GALNT18: variants seen among roughly 807,000 people sequenced by gnomAD.
GALNT18 encodes polypeptide N-acetylgalactosaminyltransferase 18.
Under a neutral mutation model 69.5 loss-of-function variants are expected in GALNT18, and 44 were observed. The ratio of observed to expected loss-of-function variants is 0.63; its 90% confidence interval spans 0.50 to 0.81. The LOEUF is 0.81. Ranked by LOEUF, GALNT18 falls within the 40% of genes least tolerant of loss-of-function variation. The pLI is 0.00. For missense variants in GALNT18, 715 were observed against 810.0 expected, an observed-to-expected ratio of 0.88 and a Z score of 1.42; for synonymous variants, 364 against 318.2, an observed-to-expected ratio of 1.14 and a Z score of -1.53.
At chr11:11,558,913 C>T (rs10831638) in intron 1 of GALNT18, among the ~76,000 whole-genome samples, 92,018 of 152,092 alleles carry the variant, frequency 0.61, 28,019 homozygotes, top group South Asian at 0.71. Flanking sequence ...ACCTCTAGTC[C>T]AGAGTTTCTC....
Position 11,304,542 on chromosome 11 carries a change from G to A in GALNT18, c.1513-11349C>T, listed in dbSNP as rs72861879. On this transcript the variant is annotated intron_variant, in intron 9 of 10. Coordinates refer to ENST00000227756, the MANE Select transcript of GALNT18 (RefSeq NM_198516.3). ...GAGGGTGCATATCCTATGCACTGAG[G>A]AATACTTCCCCTGACACTCTTCACA... is the stretch of plus-strand genomic sequence containing the variant. 1.4e-3 allele frequency among the ~76,000 whole-genome samples: 217 copies of A among 152,210 alleles called. 1 individual carries two copies. Among genetic ancestry groups the A allele is most frequent in the Admixed American group, 3.3e-3 (51 of 15,298 alleles).
At position 11,603,659 on chromosome 11, in the gene GALNT18, T is replaced by C. The variant is rs1245938139; in HGVS notation, c.235+17700A>G. Reference sequence around the variant, plus strand: ...GTTTCCATTCCATATTTAAAACTCATTTTCTCTCCCTAAAAAGATCTATGG... The same window carrying C: ...GTTTCCATTCCATATTTAAAACTCACTTTCTCTCCCTAAAAAGATCTATGG... On this transcript the variant is annotated intron_variant, in intron 1 of 10. Transcript: ENST00000227756. This position sits in a 1 kb window ranked among gnomAD's most constrained non-coding sequence, Gnocchi z 4.5. Among the ~76,000 whole-genome samples, 2 of 152,164 alleles carry C rather than the reference T, an allele frequency of 1.3e-5. No homozygotes were observed. The highest frequency in any genetic ancestry group is 3.9e-4 in the East Asian group (2 of 5,186).
chr11:11,287,141 C>T (rs1203367780), intron 10 of GALNT18, among the ~76,000 whole-genome samples: 1 of 152,176 alleles, frequency 6.6e-6, no homozygotes, highest in Non-Finnish European at 1.5e-5. Context: ...CCTGCTGGGC[C>T]CTTGCACAAG....
chr11:11,353,045 A>C (rs751405463), intron 6 of GALNT18: 2 of 1,614,030 alleles, frequency 1.2e-6, no homozygotes, highest in African/African-American at 2.7e-5. Flanking sequence ...GTGACTCGTA[A>C]TCCCAGTATT....
chr11:11,509,477 G>A (rs1018232925), intron 1 of GALNT18, among the ~76,000 whole-genome samples: 12 of 152,200 alleles, frequency 7.9e-5, no homozygotes, highest in African/African-American at 2.9e-4. Flanking sequence ...AGCCTTGGGT[G>A]AAAACTCTAA....
chr11:11,276,551 C>G (rs577519021), intron 10 of GALNT18, among the ~76,000 whole-genome samples: 57 of 152,272 alleles, frequency 3.7e-4, no homozygotes, highest in African/African-American at 1.3e-3. Context: ...CTTCCCTGGC[C>G]AGAACTTCCC....
chr11:11,437,528 G>A (rs775871526), intron 2 of GALNT18, among the ~76,000 whole-genome samples: 15 of 152,110 alleles, frequency 9.9e-5, no homozygotes, highest in Non-Finnish European at 1.8e-4. Context: ...TTTACAACAA[G>A]GGCTTCAGTG....
At chr11:11,547,283 A>G (rs1413122748) in intron 1 of GALNT18, among the ~76,000 whole-genome samples, 2 of 149,208 alleles carry the variant, frequency 1.3e-5, no homozygotes, top group African/African-American at 4.9e-5. Flanking sequence ...TGAAGGCTGG[A>G]GTGAAGGGTG....
intron 6 of GALNT18, chr11:11,352,842 T>C (rs1325812127): frequency 6.2e-7 from 1 of 1,614,244 alleles, no homozygotes; most frequent in South Asian, 1.1e-5. Context: ...TGTGATGATG[T>C]TGGGACCTCC....
rs1207426177 is a variant in GALNT18, at chr11:11,454,233, C to A, written c.236-5297G>T. On this transcript the variant is annotated intron_variant, in intron 1 of 10. Transcript: ENST00000227756. The surrounding 1 kb of genome is among the most constrained non-coding windows in gnomAD (Gnocchi z 4.2). The stretch of plus-strand genomic sequence containing the variant: ...CCAGCTGTGTGCAGTTAATTCCTCC[C>A]CAGTTCACTTAAGCAAATGATTGTG... 6.6e-6 allele frequency among the ~76,000 whole-genome samples: 1 copy of A among 152,110 alleles called. No homozygotes were observed. The highest frequency in any genetic ancestry group is 1.5e-5 in the Non-Finnish European group (1 of 68,032).
At chr11:11,437,497 T>C (rs541217648) in intron 2 of GALNT18, among the ~76,000 whole-genome samples, 15 of 151,956 alleles carry the variant, frequency 9.9e-5, no homozygotes, top group African/African-American at 2.7e-4. Context: ...CAGGACTGTT[T>C]GGAGATATGT....
At position 11,390,374 on chromosome 11, in the gene GALNT18, G is replaced by C. The variant is rs187467441; in HGVS notation, c.596-11110C>G. Among the ~76,000 whole-genome samples the C allele has an allele frequency of 2.0e-5, 3 of 152,318 alleles. No individual in the cohort carries two copies. The East Asian group carries it at 5.8e-4, about 29-fold the overall frequency. ...TTTTCCTCACCTGCAGCTCTAGAAG[G>C]GGATGGGTTTTTCCTTGGGGCAAAG... is the stretch of plus-strand genomic sequence containing the variant. On this transcript the variant is annotated intron_variant, in intron 3 of 10. Transcript: ENST00000227756.
At chr11:11,385,638 A>C (rs1263033955) in intron 3 of GALNT18, among the ~76,000 whole-genome samples, 1 of 152,154 alleles carries the variant, frequency 6.6e-6, no homozygotes, top group Non-Finnish European at 1.5e-5. Context: ...GGGGACAAAT[A>C]TCCAAATTAC....
At chr11:11,294,789 C>T (rs778043346) in intron 9 of GALNT18, among the ~76,000 whole-genome samples, 2 of 152,008 alleles carry the variant, frequency 1.3e-5, no homozygotes, top group Non-Finnish European at 2.9e-5. Context: ...GTCAGGGCTC[C>T]GAGTGAAAAG....
intron 1 of GALNT18, among the ~76,000 whole-genome samples, chr11:11,574,354 G>T (rs1001239412): frequency 6.6e-6 from 1 of 152,200 alleles, no homozygotes; most frequent in Non-Finnish European, 1.5e-5. Context: ...TAGACTGGGG[G>T]AGTAGAGAAC....
rs10612380 is a variant in GALNT18, at chr11:11,614,362, AGAGGAGGAGGAGGAG to A, written c.235+6982_235+6996del. On this transcript the variant is annotated intron_variant, in intron 1 of 10. Transcript: ENST00000227756. The surrounding 1 kb of genome is among the most constrained non-coding windows in gnomAD (Gnocchi z 5.6). ...CAAGAGAGTGAGGAGAAGAAGAAGA[AGAGGAGGAGGAGGAG>A]GAGGAGGAGGAGGAGGAGGGAGGAG... Among the ~76,000 whole-genome samples, 3 of 146,416 alleles carry A rather than the reference AGAGGAGGAGGAGGAG, an allele frequency of 2.0e-5. No individual in the cohort carries two copies. The highest frequency in any genetic ancestry group is 4.1e-4 in the East Asian group (2 of 4,886).
At position 11,562,017 on chromosome 11, in the gene GALNT18, C is replaced by A. The variant is rs1488159703; in HGVS notation, c.235+59342G>T. 6.6e-6 allele frequency among the ~76,000 whole-genome samples: 1 copy of A among 152,246 alleles called. No homozygotes were observed. Among genetic ancestry groups the A allele is most frequent in the African/African-American group, 2.4e-5 (1 of 41,468 alleles). On this transcript the variant is annotated intron_variant, in intron 1 of 10. Coordinates refer to ENST00000227756, the MANE Select transcript of GALNT18 (RefSeq NM_198516.3). This position sits in a 1 kb window ranked among gnomAD's most constrained non-coding sequence, Gnocchi z 4.1. ...AATGCAGGGCAGGGCTCTAGCCAGG[C>A]CTTCCGAGCACTCCATAAACCACAC...
chr11:11,477,030 G>A (rs7394904), intron 1 of GALNT18, among the ~76,000 whole-genome samples: 1 of 152,044 alleles, frequency 6.6e-6, no homozygotes, highest in South Asian at 2.1e-4. Flanking sequence ...ACCTCCCACC[G>A]CACACTTAGT....
intron 9 of GALNT18, among the ~76,000 whole-genome samples, chr11:11,312,896 T>C (rs1849693315): frequency 1.3e-5 from 2 of 152,034 alleles, no homozygotes; most frequent in South Asian, 4.1e-4. Context: ...ACCTGGAGAA[T>C]AAAACAAAGG....
Sources: allele counts gnomAD v4.1 joint callset (sites outside exome capture counted in the v4.1 genomes callset), GRCh38; gene constraint gnomAD v4.1.1; non-coding constraint Gnocchi (gnomAD v3.1); transcripts MANE v1.5; gene names NCBI Gene and HGNC (gene_info 2026-07-23, HGNC 2026-07-21).